The following NRG1 variants were observed in gnomAD, a reference collection of about 807,000 sequenced individuals.
The protein encoded by NRG1 is neuregulin 1.
NRG1 carries 18 observed loss-of-function variants against 63.8 expected under a neutral mutation model. That is an observed-to-expected ratio of 0.28 (90% CI 0.19 to 0.42). The LOEUF is 0.42. Ranked by LOEUF, NRG1 falls within the 10% of genes least tolerant of loss-of-function variation. The probability of loss-of-function intolerance (pLI) is 1.00; values close to 1 mark genes in which losing one functional copy is unlikely to be tolerated. For missense variants in NRG1, 762 were observed against 814.7 expected (o/e 0.94, Z 0.79); for synonymous variants, 302 against 301.3 (o/e 1.00, Z -0.02).
intron 1 of NRG1, among the ~76,000 whole-genome samples, chr8:31,887,623 T>G (rs1830822423): frequency 6.6e-6 from 1 of 152,050 alleles, no homozygotes; most frequent in Non-Finnish European, 1.5e-5. Flanking sequence ...AGTCCTAAGG[T>G]GGACCTTCAA....
chr8:32,015,350 C>T (rs966579151), intron 1 of NRG1, among the ~76,000 whole-genome samples: 1 of 152,160 alleles, frequency 6.6e-6, no homozygotes, highest in African/African-American at 2.4e-5. Context: ...GAGCTTCCAG[C>T]TTGTCTCTTA....
intron 1 of NRG1, among the ~76,000 whole-genome samples, chr8:32,137,528 A>C (rs896304876): frequency 2.0e-5 from 3 of 152,118 alleles, no homozygotes; most frequent in African/African-American, 7.2e-5. Context: ...TGTAGATGAT[A>C]TTTTCTCTCT....
chr8:31,731,020 C>T (rs961827814), intron 1 of NRG1, among the ~76,000 whole-genome samples: 52 of 152,098 alleles, frequency 3.4e-4, no homozygotes, highest in African/African-American at 1.2e-3. Flanking sequence ...TTTTCTCCTT[C>T]GAGGAGTAGG....
chr8:31,994,522 C>T (rs147856216), intron 1 of NRG1, among the ~76,000 whole-genome samples: 118 of 151,642 alleles, frequency 7.8e-4, no homozygotes, highest in Middle Eastern at 6.8e-3. Context: ...GGCATGGTGG[C>T]ATGTGCCTAT....
At chr8:32,143,244 G>C (rs372881780) in intron 1 of NRG1, among the ~76,000 whole-genome samples, 3 of 141,358 alleles carry the variant, frequency 2.1e-5, no homozygotes, top group African/African-American at 5.2e-5. Context: ...CTTTTTTTTT[G>C]GGGGGGGAAG....
chr8:32,399,172 T>C (rs1052071250), intron 1 of NRG1, among the ~76,000 whole-genome samples: 1 of 152,160 alleles, frequency 6.6e-6, no homozygotes, highest in African/African-American at 2.4e-5. Flanking sequence ...GTCCCTCCTA[T>C]TGAGGAAGGT....
At chr8:32,323,809 C>T (rs1433717856) in intron 1 of NRG1, among the ~76,000 whole-genome samples, 2 of 152,182 alleles carry the variant, frequency 1.3e-5, no homozygotes, top group African/African-American at 4.8e-5. Flanking sequence ...AGATGGGTGG[C>T]AGACAATAGC....
At chr8:31,929,942 T>C (rs1834729289) in intron 1 of NRG1, among the ~76,000 whole-genome samples, 1 of 152,204 alleles carries the variant, frequency 6.6e-6, no homozygotes, top group Admixed American at 6.5e-5. Flanking sequence ...TGTTTACATC[T>C]TCCCCTGCAA....
intron 1 of NRG1, among the ~76,000 whole-genome samples, chr8:32,206,209 C>G (rs1844045932): frequency 6.6e-6 from 1 of 152,128 alleles, no homozygotes. Flanking sequence ...CTTTTGGTAG[C>G]AGAGAGCTCA....
intron 1 of NRG1, among the ~76,000 whole-genome samples, chr8:31,955,022 G>A (rs1007976541): frequency 6.6e-6 from 1 of 152,094 alleles, no homozygotes; most frequent in Admixed American, 6.5e-5. Flanking sequence ...GATGAGAGAA[G>A]GGAAAGAGAA....
chr8:32,529,170 AC>A (rs1831190030), intron 1 of NRG1, among the ~76,000 whole-genome samples: 1 of 152,226 alleles, frequency 6.6e-6, no homozygotes, highest in Non-Finnish European at 1.5e-5. Flanking sequence ...TATACTGAAC[AC>A]TGTAGGCAAT....
intron 1 of NRG1, among the ~76,000 whole-genome samples, chr8:31,702,908 A>G (rs1345568554): frequency 6.6e-6 from 1 of 151,876 alleles, no homozygotes; most frequent in Non-Finnish European, 1.5e-5. Context: ...AATTGTTTAC[A>G]AGGCCTGCAG....
chr8:32,595,746 A>G, intron 1 of NRG1, 82 bp from the exon 2 acceptor site: 3 of 1,284,506 alleles, frequency 2.3e-6, no homozygotes, highest in Non-Finnish European at 2.1e-6. Context: ...TGCCTTGATC[A>G]GGCTAACTCC....
chr8:32,372,009 A>T (rs2881648), intron 1 of NRG1, among the ~76,000 whole-genome samples: 45,650 of 97,986 alleles, frequency 0.47, 8,247 homozygotes, highest in Non-Finnish European at 0.53. Context: ...TTTTTTTTTT[A>T]AAAGGGTTGT....
At chr8:31,918,340 G>T (rs1833594506) in intron 1 of NRG1, among the ~76,000 whole-genome samples, 1 of 152,188 alleles carries the variant, frequency 6.6e-6, no homozygotes, top group Non-Finnish European at 1.5e-5. Flanking sequence ...CTGTGGGTTT[G>T]TCATAGATAG....
chr8:32,379,731 T>TA (rs1443364428), intron 1 of NRG1, among the ~76,000 whole-genome samples: 1 of 152,174 alleles, frequency 6.6e-6, no homozygotes, highest in African/African-American at 2.4e-5. Context: ...TTATGAGAGG[T>TA]AAAGTGGTTT....
intron 1 of NRG1, among the ~76,000 whole-genome samples, chr8:31,686,825 G>C (rs190146555): frequency 6.6e-6 from 1 of 152,122 alleles, no homozygotes; most frequent in Admixed American, 6.5e-5. Context: ...CTGAAGTGTA[G>C]TGGTGCAATT....
chr8:31,962,536 G>T (rs563259215), intron 1 of NRG1, among the ~76,000 whole-genome samples: 1 of 152,134 alleles, frequency 6.6e-6, no homozygotes, highest in Non-Finnish European at 1.5e-5. Flanking sequence ...GATAGGGAGA[G>T]AATTGAAGTA....
At chr8:32,053,593 A>G (rs772487303) in intron 1 of NRG1, among the ~76,000 whole-genome samples, 1 of 152,218 alleles carries the variant, frequency 6.6e-6, no homozygotes, top group Non-Finnish European at 1.5e-5. Context: ...GTTATCAAAC[A>G]TGTCAGCTAA....
Sources: gnomAD v4.1 joint callset for allele counts (sites outside exome capture counted in the v4.1 genomes callset) on GRCh38, gnomAD v4.1.1 for gene constraint, MANE v1.5 for transcripts, NCBI Gene and HGNC (gene_info 2026-07-23, HGNC 2026-07-21) for gene names.